The following TBL3 variants were observed in gnomAD, a reference collection of about 807,000 sequenced individuals.
TBL3 encodes transducin beta like 3, also known as transducin beta-like protein 3.
In TBL3, 71 loss-of-function variants were observed where a neutral mutation model predicts 102.7. The ratio of observed to expected loss-of-function variants is 0.69; its 90% CI spans 0.57 to 0.84. The LOEUF is 0.84. TBL3 is among the 40% of genes least tolerant of loss of function. The probability of loss-of-function intolerance (pLI) is 0.00; values close to 1 mark genes in which losing one functional copy is unlikely to be tolerated. For missense variants in TBL3, 1,188 were observed against 1,098.5 expected (o/e 1.08, Z -1.15); for synonymous variants, 578 against 477.7 (o/e 1.21, Z -2.74).
Position 1,975,535 on chromosome 16 carries a change from T to C in TBL3, c.812T>C (p.Leu271Pro). 1 of 1,598,116 alleles carries C rather than the reference T, an allele frequency of 6.3e-7. No individual in the cohort carries two copies. Among genetic ancestry groups the C allele is most frequent in the Non-Finnish European group, 8.5e-7 (1 of 1,176,492 alleles). ...CCTGTCCCCACCCACACAGGCACTC[T>C]GCGCGTGTGGGAGGCAGCTTCTGGG... is the stretch of plus-strand genomic sequence containing the variant. ...YFLTAGDQGT[L>P]RVWEAASGQC... The change falls in exon 10 of 22, where the codon CTG (leucine) becomes CCG (proline). Residue 271 changes from leucine (L) to proline (P), a missense_variant. By Grantham distance (98) the Leu-to-Pro change is moderately conservative (BLOSUM62 -3). Transcript: ENST00000568546.
Position 1,979,456 on chromosome 16 carries a change from C to G in TBL3, c.*771C>G. 1.2e-6 allele frequency: 2 copies of G among 1,611,334 alleles called. No individual in the cohort carries two copies. Among genetic ancestry groups the G allele is most frequent in the South Asian group, 1.1e-5 (1 of 90,942 alleles). Reference sequence around the variant, plus strand: ...AGCCACCAGCCGCGGTCTGACGTTTCCAACACGCGCACGCGCGCCCCCGCG... The same window carrying G: ...AGCCACCAGCCGCGGTCTGACGTTTGCAACACGCGCACGCGCGCCCCCGCG... On this transcript the variant is annotated 3_prime_UTR_variant, in exon 22 of 22. Transcript: ENST00000568546.
At position 1,977,810 on chromosome 16, in the gene TBL3, G is replaced by A; in HGVS notation, c.1958+10G>A. ...AGGAGCAGGTGGTCAGGTAAGGCCAGGGCAGTGGCGCCCCTCCCCGCATCA... is the reference window on the plus strand; with the variant it reads ...AGGAGCAGGTGGTCAGGTAAGGCCAAGGCAGTGGCGCCCCTCCCCGCATCA... On this transcript the variant is annotated intron_variant, in intron 18 of 21. Transcript: ENST00000568546. The A allele has an allele frequency of 6.4e-7, 1 of 1,556,966 alleles. No homozygotes were observed. The highest frequency in any genetic ancestry group is 8.7e-7 in the Non-Finnish European group (1 of 1,150,118).
rs764371859 is a variant in TBL3, at chr16:1,974,266, G to A, written c.163G>A (p.Gly55Arg). 16 of 1,602,008 alleles carry A rather than the reference G, an allele frequency of 1.0e-5. No homozygotes were observed. The South Asian group carries it at 1.7e-4, about 17-fold the overall frequency. Reference protein sequence around the residue: ...TRVNILEVASGAVLRSLEQED... With the variant: ...TRVNILEVASRAVLRSLEQED... ...AGTCAACATTCTGGAAGTGGCCTCG[G>A]GGGCCGTGCTGCGGAGTCTGGAGCA... Residue 55 changes from glycine to arginine, a missense_variant, in exon 3 of 22, where the codon GGG (glycine) becomes AGG (arginine). Transcript: ENST00000568546.
Position 1,978,488 on chromosome 16 carries a change from T to C in TBL3, c.2293+17T>C, listed in dbSNP as rs1416741565. On this transcript the variant is annotated intron_variant, in intron 21 of 21. Coordinates refer to ENST00000568546, the MANE Select transcript of TBL3 (RefSeq NM_006453.3). ...CCTACACTGGTATGTGGGCACAGCC[T>C]GGGGTTGGGGGATCCTGGTGGGCGT... 6.3e-7 allele frequency: 1 copy of C among 1,591,578 alleles called. No individual in the cohort carries two copies. Among genetic ancestry groups the C allele is most frequent in the Non-Finnish European group, 8.6e-7 (1 of 1,166,102 alleles).
chr16:1,979,550 G>C lies in TBL3; in HGVS notation c.*865G>C. On this transcript the variant is annotated 3_prime_UTR_variant, in exon 22 of 22. Coordinates refer to ENST00000568546, the MANE Select transcript of TBL3 (RefSeq NM_006453.3). ...AAGCACAGAACTGGGGACCTGGTGGGAGTGGGTGTTTGGAGTCACCGCGGG... is the reference window on the plus strand; with the variant it reads ...AAGCACAGAACTGGGGACCTGGTGGCAGTGGGTGTTTGGAGTCACCGCGGG... The C allele has an allele frequency of 6.2e-7, 1 of 1,605,172 alleles. No individual in the cohort carries two copies. Among genetic ancestry groups the C allele is most frequent in the Non-Finnish European group, 8.5e-7 (1 of 1,174,810 alleles).
Position 1,979,313 on chromosome 16 carries a change from C to T in TBL3, c.*628C>T, listed in dbSNP as rs1318305846. 2.5e-6 allele frequency: 4 copies of T among 1,572,374 alleles called. No homozygotes were observed. The highest frequency in any genetic ancestry group is 3.4e-6 in the Non-Finnish European group (4 of 1,166,760). ...GAGCGCCCAGCCCTTCCGGCCGCAG[C>T]AGCACCGCGGGGAGTAGGCCCGCCC... On this transcript the variant is annotated 3_prime_UTR_variant, in exon 22 of 22. Coordinates refer to ENST00000568546, the MANE Select transcript of TBL3 (RefSeq NM_006453.3).
chr16:1,978,492 G>T (rs1170707307), intron 21 of TBL3, 21 bp downstream of exon 21: 1 of 1,591,484 alleles, frequency 6.3e-7, no homozygotes. Flanking sequence ...ACAGCCTGGG[G>T]TTGGGGGATC....
rs1007837378 is a variant in TBL3 at position 1,980,852 on chromosome 16, G to T, written c.*2167G>T. The T allele has an allele frequency of 2.1e-6, 3 of 1,460,488 alleles. No homozygotes were observed. In the African/African-American group the frequency reaches 4.2e-5, roughly 20 times the overall value. 90.5% of individuals were successfully genotyped at this position (1,460,488 alleles called of 1,614,324 possible). A position where few individuals can be genotyped will look rare whatever the true frequency, so the allele number is the denominator to read the frequency against. On this transcript the variant is annotated 3_prime_UTR_variant, in exon 22 of 22. Transcript: ENST00000568546. ...CAGCAGGGACGAAGGGCCTCCAGTG[G>T]GAGTCACTGATGGGAGGCAGTCCAG...
In TBL3 at chr16:1,977,149, G is replaced by A; in HGVS notation, c.1536G>A (p.Gln512=). The A allele has an allele frequency of 6.2e-7, 1 of 1,613,058 alleles. No individual in the cohort carries two copies. ...AGCTCTGGGCCCTGCCACAGTGCCA[G>A]CTGCTGGGTGTCTTCTCAGGCCACC... is the stretch of plus-strand genomic sequence containing the variant. ...TAKLWALPQC[Q]LLGVFSGHRR... The change falls in exon 15 of 22, where the codon CAG becomes CAA. Residue 512 remains glutamine (Q), a synonymous_variant. Coordinates refer to ENST00000568546, the MANE Select transcript of TBL3 (RefSeq NM_006453.3).
In TBL3 at chr16:1,975,873, C is replaced by T. The variant is rs766641041; in HGVS notation, c.1053C>T (p.Val351=). Residue 351 remains valine (V), a synonymous_variant, in exon 11 of 22, where the codon GTC becomes GTT. Coordinates refer to ENST00000568546, the MANE Select transcript of TBL3 (RefSeq NM_006453.3). ...TTGGGCCCGAGGACTCCCACGTTGT[C>T]GTGGCCTCCAATAGCCCCTGCCTAA... ...RFLGPEDSHV[V]VASNSPCLKV... 2.8e-5 allele frequency: 45 copies of T among 1,614,008 alleles called. No individual in the cohort carries two copies. The highest frequency in any genetic ancestry group is 6.7e-5 in the East Asian group (3 of 44,894).
rs1340748410 is a variant in TBL3 at position 1,981,268 on chromosome 16, A to C, written c.*2583A>C. ...GAGAGGGCTCTGGGGGACCCAGAAA[A>C]CCCCCTGGGATAGAATCCTGGCAAC... is the stretch of plus-strand genomic sequence containing the variant. On this transcript the variant is annotated 3_prime_UTR_variant, in exon 22 of 22. Transcript: ENST00000568546. The C allele has an allele frequency of 1.3e-6, 2 of 1,570,394 alleles. No individual in the cohort carries two copies. Among genetic ancestry groups the C allele is most frequent in the South Asian group, 1.2e-5 (1 of 86,294 alleles).
Position 1,981,145 on chromosome 16 carries a change from C to T in TBL3, c.*2460C>T. ...CCTCTTGATCTGCACCAGGGCTGCC[C>T]CTTGCACTGAAACTGGGTATCGGGG... On this transcript the variant is annotated 3_prime_UTR_variant, in exon 22 of 22. Transcript: ENST00000568546. The T allele has an allele frequency of 6.2e-7, 1 of 1,613,572 alleles. No individual in the cohort carries two copies. Among genetic ancestry groups the T allele is most frequent in the Non-Finnish European group, 8.5e-7 (1 of 1,180,016 alleles).
rs761995624 is a variant in TBL3, at chr16:1,976,970, A to G, written c.1440+9A>G. 27 of 1,613,796 alleles carry G rather than the reference A, an allele frequency of 1.7e-5. No individual in the cohort carries two copies. In the East Asian group the frequency reaches 5.8e-4, roughly 35 times the overall value. ...AGCGCTGCCATGATAAGGTGACTCC[A>G]TAGCCACTGGGGTGGGGGTGTGGCC... On this transcript the variant is annotated intron_variant, in intron 14 of 21. Coordinates refer to ENST00000568546, the MANE Select transcript of TBL3 (RefSeq NM_006453.3).
rs754741874 is a variant in TBL3, at chr16:1,974,308, G to A, written c.189+16G>A. On this transcript the variant is annotated intron_variant, in intron 3 of 21. Transcript: ENST00000568546. ...TCTGGAGCAGGTGAGGGCAGCCTGG[G>A]TGGGTGAGGGGCAAGTGGAGAGGGC... The A allele has an allele frequency of 6.3e-7, 1 of 1,584,548 alleles. No individual in the cohort carries two copies. Among genetic ancestry groups the A allele is most frequent in the South Asian group, 1.1e-5 (1 of 87,326 alleles).
chr16:1,979,869 G>T lies in TBL3; in HGVS notation c.*1184G>T, dbSNP rs1465993362. 6.3e-7 allele frequency: 1 copy of T among 1,581,326 alleles called. No individual in the cohort carries two copies. The highest frequency in any genetic ancestry group is 2.3e-5 in the East Asian group (1 of 42,788). On this transcript the variant is annotated 3_prime_UTR_variant, in exon 22 of 22. Transcript: ENST00000568546. ...CCAGGTAGGGCGCTGGAAACCAGGC[G>T]GTCTGCCGGTCTTCGTTCTCCACCA...
chr16:1,975,015 C>T lies in TBL3; in HGVS notation c.552C>T (p.Asp184=). The T allele has an allele frequency of 6.2e-7, 1 of 1,607,148 alleles. No individual in the cohort carries two copies. The highest frequency in any genetic ancestry group is 1.1e-5 in the South Asian group (1 of 91,088). The stretch of plus-strand genomic sequence containing the variant: ...CCATCCGCGTGTGGTCACTGCAGGA[C>T]CGGTCATGCCTGGCTGTGCTGACTG... The part of the protein sequence containing the change: ...DAAIRVWSLQ[D]RSCLAVLTAH... Residue 184 remains aspartate (D), a synonymous_variant, in exon 7 of 22, where the codon GAC becomes GAT. Transcript: ENST00000568546.
intron 13 of TBL3, 23 bp downstream of exon 13, chr16:1,976,337 A>C: frequency 6.3e-7 from 1 of 1,596,852 alleles, no homozygotes; most frequent in South Asian, 1.1e-5. Context: ...GGCTGGGCCC[A>C]GGGGTGTCAG....
intron 1 of TBL3, among the ~76,000 whole-genome samples, 189 bp downstream of exon 1, chr16:1,972,394 G>C (rs112862967): frequency 6.6e-6 from 1 of 152,334 alleles, no homozygotes; most frequent in Non-Finnish European, 1.5e-5. Context: ...TCTCGGGGAG[G>C]ACGGCGATCG....
chr16:1,980,204 G>A lies in TBL3; in HGVS notation c.*1519G>A, dbSNP rs201282851. On this transcript the variant is annotated 3_prime_UTR_variant, in exon 22 of 22. Coordinates refer to ENST00000568546, the MANE Select transcript of TBL3 (RefSeq NM_006453.3). The stretch of plus-strand genomic sequence containing the variant: ...CGGCTGGGAAGGGCAGCCCGTACGA[G>A]TGAGAGGTAGGCGGATGGGGAGGGT... The A allele has an allele frequency of 6.3e-6, 10 of 1,583,754 alleles. No homozygotes were observed. In the East Asian group the frequency reaches 2.0e-4, roughly 32 times the overall value.
Sources: allele counts gnomAD v4.1 joint callset (sites outside exome capture counted in the v4.1 genomes callset), GRCh38; gene constraint gnomAD v4.1.1; transcripts MANE v1.5; gene names NCBI Gene and HGNC (gene_info 2026-07-23, HGNC 2026-07-21).